Variants in PCBP3 observed in about 807,000 individuals in gnomAD.
PCBP3 encodes poly(rC)-binding protein 3.
In PCBP3, 25 loss-of-function variants were observed where a neutral mutation model predicts 52.7. The observed-to-expected ratio is 0.47, with a 90% CI of 0.35 to 0.66. The LOEUF (loss-of-function observed/expected upper bound fraction) is 0.66. PCBP3 is among the 30% of genes least tolerant of loss of function. The pLI is 0.01. For missense variants in PCBP3, 391 were observed against 490.3 expected (o/e 0.80, Z 1.91); for synonymous variants, 162 against 183.0 (o/e 0.89, Z 0.93).
intron 5 of PCBP3, among the ~76,000 whole-genome samples, chr21:45,862,752 C>T (rs542231247): frequency 1.3e-5 from 2 of 152,196 alleles, no homozygotes; most frequent in Admixed American, 6.5e-5. Flanking sequence ...AGCCTGTCCC[C>T]GACGAAACCG....
At chr21:45,695,380 T>C (rs2082708991) in intron 2 of PCBP3, among the ~76,000 whole-genome samples, 1 of 152,172 alleles carries the variant, frequency 6.6e-6, no homozygotes, top group African/African-American at 2.4e-5. Context: ...GGGCAGTTTC[T>C]TATCAAGAGT....
chr21:45,737,572 C>T lies in PCBP3; in HGVS notation c.-162+2143C>T, dbSNP rs2085977075. 6.6e-6 allele frequency among the ~76,000 whole-genome samples: 1 copy of T among 152,214 alleles called. No homozygotes were observed. The highest frequency in any genetic ancestry group is 1.5e-5 in the Non-Finnish European group (1 of 68,046). On this transcript the variant is annotated intron_variant, in intron 3 of 17. Coordinates refer to ENST00000681687, the MANE Select transcript of PCBP3 (RefSeq NM_001384156.1). The surrounding 1 kb of genome is among the most constrained non-coding windows in gnomAD (Gnocchi z 4.9). ...CGTGCTGGGGTGGGGCGAGCCCGAC[C>T]ATGCAAGCCATGCCCCGGCAGCCAG...
chr21:45,647,951 G>C (rs547348543), intron 1 of PCBP3, among the ~76,000 whole-genome samples: 14 of 152,322 alleles, frequency 9.2e-5, no homozygotes, highest in African/African-American at 3.4e-4. Context: ...CTTAAAAGTA[G>C]AAGAGAGAGG....
chr21:45,908,519 G>A (rs555552186), intron 9 of PCBP3, among the ~76,000 whole-genome samples: 2 of 152,338 alleles, frequency 1.3e-5, no homozygotes, highest in African/African-American at 2.4e-5. Context: ...AGCAAATCCT[G>A]TTGCCCTGAA....
chr21:45,702,562 A>G (rs568788166), intron 2 of PCBP3, among the ~76,000 whole-genome samples: 47 of 152,356 alleles, frequency 3.1e-4, no homozygotes, highest in Non-Finnish European at 5.4e-4. Context: ...AAAACAATGT[A>G]TGTGCCTTAA....
intron 2 of PCBP3, chr21:45,673,544 A>G (rs1015996194): frequency 2.0e-5 from 3 of 152,194 alleles, no homozygotes; most frequent in African/African-American, 7.2e-5. Flanking sequence ...AGTATCCTAC[A>G]AGAAGTGCCT....
In PCBP3 at chr21:45,887,342, G is replaced by C. The variant is rs191655830; in HGVS notation, c.11-8866G>C. On this transcript the variant is annotated intron_variant, in intron 5 of 17. Transcript: ENST00000681687. ...GCCTTGCCACTCCTTTTGTGCATGTGGCATCTGAGAGCACAGATGCCGGAG... is the reference window on the plus strand; with the variant it reads ...GCCTTGCCACTCCTTTTGTGCATGTCGCATCTGAGAGCACAGATGCCGGAG... Among the ~76,000 whole-genome samples the C allele has an allele frequency of 5.8e-3, 878 of 152,358 alleles. 7 individuals carry two copies. Among genetic ancestry groups the C allele is most frequent in the Non-Finnish European group, 8.2e-3 (555 of 68,038 alleles).
chr21:45,884,442 A>G (rs561932137), intron 5 of PCBP3, among the ~76,000 whole-genome samples: 1 of 152,230 alleles, frequency 6.6e-6, no homozygotes, highest in African/African-American at 2.4e-5. Context: ...TATAGCATAT[A>G]TATACACACA....
intron 2 of PCBP3, among the ~76,000 whole-genome samples, chr21:45,729,282 A>G (rs1483750945): frequency 6.6e-6 from 1 of 152,190 alleles, no homozygotes; most frequent in Non-Finnish European, 1.5e-5. Context: ...TGATGCCTGT[A>G]CCAGATGTGT....
At chr21:45,875,143 TG>T (rs2095205928) in intron 5 of PCBP3, among the ~76,000 whole-genome samples, 1 of 152,162 alleles carries the variant, frequency 6.6e-6, no homozygotes, top group South Asian at 2.1e-4. Context: ...CCAGACAGGC[TG>T]GGGGCCCCTC....
chr21:45,786,437 C>T (rs1322684202), intron 4 of PCBP3, among the ~76,000 whole-genome samples: 2 of 152,034 alleles, frequency 1.3e-5, no homozygotes, highest in Non-Finnish European at 1.5e-5. Context: ...ATTATAGGCG[C>T]CCACCAATGT....
intron 5 of PCBP3, among the ~76,000 whole-genome samples, chr21:45,885,092 C>T (rs1224653342): frequency 1.3e-5 from 2 of 152,228 alleles, no homozygotes; most frequent in African/African-American, 4.8e-5. Context: ...CCAGCGTAGG[C>T]ACGCTGGCAG....
In PCBP3 at chr21:45,768,059, G is replaced by A. The variant is rs944725403; in HGVS notation, c.-126+12607G>A. ...ATGGTGCCAGTGTCCTTGCTGCCAC[G>A]ATGCACCAGCTTCTGTCTTGCAGGT... On this transcript the variant is annotated intron_variant, in intron 4 of 17. Coordinates refer to ENST00000681687, the MANE Select transcript of PCBP3 (RefSeq NM_001384156.1). Among the ~76,000 whole-genome samples, 10 of 152,266 alleles carry A rather than the reference G, an allele frequency of 6.6e-5. No individual in the cohort carries two copies. In the South Asian group the frequency reaches 1.9e-3, roughly 28 times the overall value.
chr21:45,732,306 G>A (rs1232107663), intron 2 of PCBP3, among the ~76,000 whole-genome samples: 1 of 151,844 alleles, frequency 6.6e-6, no homozygotes, highest in Non-Finnish European at 1.5e-5. Flanking sequence ...ATTATATTGT[G>A]TATATCTAAG....
chr21:45,671,204 T>C (rs949718102), intron 2 of PCBP3, among the ~76,000 whole-genome samples: 1 of 152,198 alleles, frequency 6.6e-6, no homozygotes, highest in Non-Finnish European at 1.5e-5. Flanking sequence ...TATGAACAGT[T>C]AGTTATCTGC....
At chr21:45,776,556 G>GTATATA (rs144526189) in intron 4 of PCBP3, among the ~76,000 whole-genome samples, 1 of 149,596 alleles carries the variant, frequency 6.7e-6, no homozygotes. Context: ...CTGGTGTTGG[G>GTATATA]TATATATATA....
intron 5 of PCBP3, chr21:45,872,007 C>T (rs779900560): frequency 3.9e-5 from 6 of 152,248 alleles, no homozygotes; most frequent in African/African-American, 9.6e-5. Flanking sequence ...CATGAGTGAG[C>T]AAACACCCCA....
At chr21:45,743,736 A>T (rs1000579635) in intron 3 of PCBP3, among the ~76,000 whole-genome samples, 1 of 152,202 alleles carries the variant, frequency 6.6e-6, no homozygotes, top group African/African-American at 2.4e-5. Flanking sequence ...CGTGAGGGTT[A>T]TGGCTAGGGT....
intron 2 of PCBP3, among the ~76,000 whole-genome samples, chr21:45,696,010 C>G (rs1353158720): frequency 8.1e-6 from 1 of 123,580 alleles, no homozygotes; most frequent in African/African-American, 3.1e-5. Context: ...ACCCAGGAGG[C>G]GGAGGTTGCA....
Sources: allele counts gnomAD v4.1 joint callset (sites outside exome capture counted in the v4.1 genomes callset), GRCh38; gene constraint gnomAD v4.1.1; non-coding constraint Gnocchi (gnomAD v3.1); transcripts MANE v1.5; gene names NCBI Gene and HGNC (gene_info 2026-07-23, HGNC 2026-07-21).